SCP2: variants seen among roughly 807,000 people sequenced by gnomAD.
SCP2 encodes the protein SCP-2/3-oxoacyl-CoA thiolase.
A neutral mutation model predicts 71.4 loss-of-function variants in SCP2; 48 were observed. The observed-to-expected ratio is 0.67, with a 90% CI of 0.53 to 0.86. The LOEUF (loss-of-function observed/expected upper bound fraction) is 0.86, where lower values mean the gene tolerates loss of function less well. Ranked by LOEUF, SCP2 falls within the 40% of genes least tolerant of loss-of-function variation. SCP2 has a pLI of 0.00. For synonymous variants in SCP2, 220 were observed against 218.1 expected, an observed-to-expected ratio of 1.01 and a Z score of -0.08; for missense variants, 560 against 655.6, an observed-to-expected ratio of 0.85 and a Z score of 1.59.
At chr1:52,997,590 A>G (rs962317983) in intron 11 of SCP2, among the ~76,000 whole-genome samples, 12 of 152,206 alleles carry the variant, frequency 7.9e-5, no homozygotes, top group Non-Finnish European at 7.3e-5. Context: ...AGGCAAATCC[A>G]TAGAGACAGA....
intron 11 of SCP2, among the ~76,000 whole-genome samples, chr1:52,990,596 T>C (rs7540227): frequency 0.32 from 47,970 of 151,192 alleles, 12,700 homozygotes; most frequent in African/African-American, 0.72. Context: ...TAGCCAGGCG[T>C]GGTGGCGGGC....
chr1:52,943,020 C>T (rs1354473101), intron 2 of SCP2, among the ~76,000 whole-genome samples: 2 of 151,684 alleles, frequency 1.3e-5, no homozygotes, highest in Non-Finnish European at 2.9e-5. Context: ...TTCTTTTTAT[C>T]CCTGCAGTTA....
intron 13 of SCP2, among the ~76,000 whole-genome samples, chr1:53,029,408 C>T (rs1662367846): frequency 6.6e-6 from 1 of 151,862 alleles, no homozygotes; most frequent in Non-Finnish European, 1.5e-5. Flanking sequence ...GGATTACAGG[C>T]GTGAGCCTCT....
intron 11 of SCP2, among the ~76,000 whole-genome samples, chr1:53,000,488 C>G (rs1158549300): frequency 6.6e-6 from 1 of 152,026 alleles, no homozygotes; most frequent in African/African-American, 2.4e-5. Context: ...TTTAGAAAGG[C>G]CTCTGTGCCT....
At chr1:53,045,212 C>A (rs767726936) in intron 14 of SCP2, among the ~76,000 whole-genome samples, 3 of 152,220 alleles carry the variant, frequency 2.0e-5, no homozygotes, top group East Asian at 1.9e-4. Context: ...CTCCTGCCCC[C>A]CTGCTATCAC....
chr1:52,956,626 AG>A (rs1655817525), intron 5 of SCP2, among the ~76,000 whole-genome samples: 1 of 152,180 alleles, frequency 6.6e-6, no homozygotes, highest in South Asian at 2.1e-4. Flanking sequence ...TCATGAGCCT[AG>A]TCATGGGTGT....
In SCP2 at chr1:52,978,355, C is replaced by T; in HGVS notation, c.813C>T (p.Ser271=). 1 of 1,613,386 alleles carries T rather than the reference C, an allele frequency of 6.2e-7. No homozygotes were observed. The highest frequency in any genetic ancestry group is 8.5e-7 in the Non-Finnish European group (1 of 1,179,400). ...TDLPSSFEEK[S]IIKMVGFDMS... ...TGCCAAGCTCGTTTGAAGAAAAAAG[C>T]ATTATTAAAATGGTATGTCTGAGAT... The change falls in exon 9 of 16, where the codon AGC becomes AGT. Residue 271 remains serine (S), a synonymous_variant. Coordinates refer to ENST00000371514, the MANE Select transcript of SCP2 (RefSeq NM_002979.5).
In SCP2 at chr1:52,929,300, C is replaced by A. The variant is rs1421798221; in HGVS notation, c.69+1835C>A. ...GCAGCCTTGAACTCCTGGACTCTAG[C>A]GATCCTACCGAGTAGCTAGGACTAC... On this transcript the variant is annotated intron_variant, in intron 1 of 15. Coordinates refer to ENST00000371514, the MANE Select transcript of SCP2 (RefSeq NM_002979.5). Among the ~76,000 whole-genome samples the A allele has an allele frequency of 2.0e-5, 3 of 150,526 alleles. No individual in the cohort carries two copies. The South Asian group carries it at 6.3e-4, about 32-fold the overall frequency.
chr1:53,025,539 T>C (rs1163656085), intron 12 of SCP2, among the ~76,000 whole-genome samples: 3 of 152,192 alleles, frequency 2.0e-5, no homozygotes. Flanking sequence ...GTCCTCGTAA[T>C]GGCCTCTCCA....
chr1:53,003,651 C>T (rs1444575712), intron 11 of SCP2, among the ~76,000 whole-genome samples: 1 of 152,154 alleles, frequency 6.6e-6, no homozygotes. Context: ...TCCCAAGTAG[C>T]TGGGACCACA....
In SCP2 at chr1:53,021,355, C is replaced by T. The variant is rs147075108; in HGVS notation, c.1235+6312C>T. 2.4e-3 allele frequency among the ~76,000 whole-genome samples: 332 copies of T among 137,726 alleles called. 1 individual carries two copies. The highest frequency in any genetic ancestry group is 0.022 in the Middle Eastern group (5 of 228). 90.4% of individuals were successfully genotyped at this position (137,726 alleles called of 152,430 possible). On this transcript the variant is annotated intron_variant, in intron 12 of 15. Transcript: ENST00000371514. ...TTTTTGAGATGGAGTCTTGCTCTGT[C>T]GCCCAGGCTGGAGTGCAGTTGCGCA...
intron 11 of SCP2, 49 bp from the exon 12 acceptor site, chr1:53,014,841 T>C (rs771491629): frequency 4.4e-6 from 7 of 1,606,224 alleles, no homozygotes; most frequent in East Asian, 2.2e-5. Flanking sequence ...CTTTTCTGGC[T>C]TGAGAAAGCT....
rs745681500 is a variant in SCP2 at position 52,988,155 on chromosome 1, T to G, written c.1081+19T>G. 1.7e-6 allele frequency: 2 copies of G among 1,197,436 alleles called. No individual in the cohort carries two copies. Among genetic ancestry groups the G allele is most frequent in the South Asian group, 2.4e-5 (2 of 82,534 alleles). 74.2% of individuals were successfully genotyped at this position (1,197,436 alleles called of 1,614,324 possible). On this transcript the variant is annotated intron_variant, in intron 11 of 15. Transcript: ENST00000371514. The stretch of plus-strand genomic sequence containing the variant: ...GCTACAGGTAATGCTACATACAGAT[T>G]TCATACATTTTAAAATCATTTTTTC...
chr1:53,034,149 C>T (rs115310089), intron 13 of SCP2, among the ~76,000 whole-genome samples: 1,953 of 151,788 alleles, frequency 0.013, 42 homozygotes, highest in African/African-American at 0.04. Context: ...TGGTGGTGCG[C>T]GCCTGTAGTC....
intron 14 of SCP2, among the ~76,000 whole-genome samples, chr1:53,039,547 A>G (rs554980339): frequency 6.6e-5 from 10 of 152,240 alleles, no homozygotes; most frequent in South Asian, 6.2e-4. Flanking sequence ...TGTCCTCATC[A>G]CTATCCCCAG....
chr1:52,973,101 G>A (rs6687326), intron 6 of SCP2, among the ~76,000 whole-genome samples: 3,499 of 152,280 alleles, frequency 0.023, 53 homozygotes, highest in Non-Finnish European at 0.035. Context: ...CTTTGTAATA[G>A]AAATATTAAC....
intron 4 of SCP2, among the ~76,000 whole-genome samples, chr1:52,953,421 C>T (rs1274424197): frequency 1.3e-5 from 2 of 152,050 alleles, no homozygotes; most frequent in Non-Finnish European, 2.9e-5. Context: ...GCTCCTGCCA[C>T]CTGTGCCTCT....
chr1:52,945,313 G>C (rs1654675283), intron 2 of SCP2, among the ~76,000 whole-genome samples: 1 of 151,944 alleles, frequency 6.6e-6, no homozygotes, highest in African/African-American at 2.4e-5. Context: ...GTCCTCCTGA[G>C]TAGCTGGGAC....
At chr1:53,016,401 CAT>C (rs1661342680) in intron 12 of SCP2, among the ~76,000 whole-genome samples, 1 of 151,780 alleles carries the variant, frequency 6.6e-6, no homozygotes, top group South Asian at 2.1e-4. Context: ...TGGAGTCTCT[CAT>C]ATGTTTATTG....
Sources: allele counts gnomAD v4.1 joint callset (sites outside exome capture counted in the v4.1 genomes callset), GRCh38; gene constraint gnomAD v4.1.1; transcripts MANE v1.5; gene names NCBI Gene and HGNC (gene_info 2026-07-23, HGNC 2026-07-21).